TMEM178B: variants seen among roughly 807,000 people sequenced by gnomAD.
The protein encoded by TMEM178B is transmembrane protein 178B.
TMEM178B carries 5 observed loss-of-function variants against 31.0 expected under a neutral mutation model. The ratio of observed to expected loss-of-function variants is 0.16; its 90% CI spans 0.08 to 0.34. The LOEUF (loss-of-function observed/expected upper bound fraction) is 0.34, where lower values mean the gene tolerates loss of function less well. TMEM178B is among the 10% of genes least tolerant of loss of function. The pLI, the probability that TMEM178B is intolerant of heterozygous loss-of-function variation, is 1.00. For missense variants in TMEM178B, 275 were observed against 400.3 expected (o/e 0.69, Z 2.67); for synonymous variants, 164 against 164.0 (o/e 1.00, Z 0.00).
intron 2 of TMEM178B, among the ~76,000 whole-genome samples, chr7:141,336,267 G>A (rs969154347): frequency 5.9e-5 from 9 of 152,066 alleles, no homozygotes; most frequent in Admixed American, 6.6e-5. Flanking sequence ...ACTGCATTCT[G>A]GTCCTAACTC....
intron 2 of TMEM178B, among the ~76,000 whole-genome samples, chr7:141,377,373 G>T (rs1308447525): frequency 6.6e-6 from 1 of 151,778 alleles, no homozygotes; most frequent in Non-Finnish European, 1.5e-5. Context: ...TAGCAGGGAC[G>T]GGGTTTCACC....
chr7:141,086,264 T>G (rs910418568), intron 1 of TMEM178B, among the ~76,000 whole-genome samples: 2 of 152,188 alleles, frequency 1.3e-5, no homozygotes, highest in Non-Finnish European at 2.9e-5. Context: ...ACTCTTGACC[T>G]CAAGTGATCC....
chr7:141,366,767 C>T (rs1800012010), intron 2 of TMEM178B, among the ~76,000 whole-genome samples: 1 of 152,144 alleles, frequency 6.6e-6, no homozygotes, highest in South Asian at 2.1e-4. Flanking sequence ...TCCCTCCCCT[C>T]TCCCACTCAC....
chr7:141,208,048 C>T (rs902270766), intron 1 of TMEM178B, among the ~76,000 whole-genome samples: 1 of 152,058 alleles, frequency 6.6e-6, no homozygotes, highest in African/African-American at 2.4e-5. Context: ...AAAAAATTAA[C>T]TGGACATGGT....
intron 2 of TMEM178B, among the ~76,000 whole-genome samples, chr7:141,353,933 A>G (rs565569678): frequency 6.6e-6 from 1 of 152,360 alleles, no homozygotes; most frequent in East Asian, 1.9e-4. Context: ...GCCCCTTAAT[A>G]GCCATTTGAC....
chr7:141,098,586 C>T (rs1453363962), intron 1 of TMEM178B, among the ~76,000 whole-genome samples: 1 of 152,206 alleles, frequency 6.6e-6, no homozygotes, highest in East Asian at 1.9e-4. Context: ...CTTAAGCTTT[C>T]TATGCCTCAG....
In TMEM178B at chr7:141,344,624, CTTCCTCCCTTCCTTCT is replaced by C. The variant is rs1280883412; in HGVS notation, c.497-92982_497-92967del. On this transcript the variant is annotated intron_variant, in intron 2 of 3. Transcript: ENST00000565468. The surrounding 1 kb of genome is among the most constrained non-coding windows in gnomAD (Gnocchi z 4.1). ...CCTTCCTTCCTTCCTTCCTTCCTTC[CTTCCTCCCTTCCTTCT>C]TCCCTTCATCAAAAGACCTCTCAGA... Among the ~76,000 whole-genome samples the C allele has an allele frequency of 4.3e-4, 64 of 147,400 alleles. No individual in the cohort carries two copies. The highest frequency in any genetic ancestry group is 1.6e-3 in the African/African-American group (60 of 38,348).
chr7:141,125,310 G>C (rs968771413), intron 1 of TMEM178B, among the ~76,000 whole-genome samples: 1 of 152,038 alleles, frequency 6.6e-6, no homozygotes, highest in Admixed American at 6.6e-5. Context: ...TATAAAATCT[G>C]GCCAGCAACA....
At chr7:141,424,218 C>G (rs1252008653) in intron 2 of TMEM178B, among the ~76,000 whole-genome samples, 1 of 152,058 alleles carries the variant, frequency 6.6e-6, no homozygotes, top group Non-Finnish European at 1.5e-5. Flanking sequence ...ACTCAGGGAA[C>G]CAGGCACACG....
rs1038352045 is a variant in TMEM178B at position 141,474,731 on chromosome 7, C to T, written c.*3945C>T. The T allele has an allele frequency of 1.3e-5, 2 of 152,196 alleles. No individual in the cohort carries two copies. The highest frequency in any genetic ancestry group is 2.4e-5 in the African/African-American group (1 of 41,444). The allele number at this position is 152,196 out of a possible 1,614,324, so 9.4% of individuals were successfully genotyped here. A position where few individuals can be genotyped will look rare whatever the true frequency, so the allele number is the denominator to read the frequency against. On this transcript the variant is annotated 3_prime_UTR_variant, in exon 4 of 4. Coordinates refer to ENST00000565468, the MANE Select transcript of TMEM178B (RefSeq NM_001195278.2). ...CCCTATATCTCAATATTCATCCACA[C>T]TCATGATAAGATGCCGGAAATGAAT...
At chr7:141,236,495 A>T (rs1563127088) in intron 2 of TMEM178B, among the ~76,000 whole-genome samples, 1 of 152,216 alleles carries the variant, frequency 6.6e-6, no homozygotes, top group Non-Finnish European at 1.5e-5. Flanking sequence ...GTGCAATGTC[A>T]CAAGAAGATA....
intron 2 of TMEM178B, among the ~76,000 whole-genome samples, chr7:141,398,771 C>T (rs1257106241): frequency 6.6e-6 from 1 of 152,128 alleles, no homozygotes; most frequent in Non-Finnish European, 1.5e-5. Context: ...GTAGCTCTTG[C>T]CCAACCGTCT....
At chr7:141,448,867 T>G (rs1046159883) in intron 3 of TMEM178B, among the ~76,000 whole-genome samples, 6 of 152,100 alleles carry the variant, frequency 3.9e-5, no homozygotes, top group African/African-American at 9.7e-5. Flanking sequence ...TAAACTGTGC[T>G]GAGTTGGGGT....
intron 2 of TMEM178B, among the ~76,000 whole-genome samples, chr7:141,432,798 A>C (rs1801460308): frequency 6.6e-6 from 1 of 152,124 alleles, no homozygotes; most frequent in South Asian, 2.1e-4. Context: ...GAAGATGGTT[A>C]CTTGTCTGCT....
intron 2 of TMEM178B, among the ~76,000 whole-genome samples, chr7:141,302,718 A>G (rs2116444069): frequency 6.6e-6 from 1 of 152,218 alleles, no homozygotes; most frequent in South Asian, 2.1e-4. Flanking sequence ...TGCCAACAAA[A>G]CTTATCTACT....
intron 1 of TMEM178B, among the ~76,000 whole-genome samples, chr7:141,208,353 G>A (rs1283522329): frequency 6.6e-6 from 1 of 152,174 alleles, no homozygotes; most frequent in Non-Finnish European, 1.5e-5. Flanking sequence ...AGAAGGGTTT[G>A]TCCTTCCTTC....
intron 2 of TMEM178B, among the ~76,000 whole-genome samples, chr7:141,382,814 A>G (rs955168900): frequency 2.0e-5 from 3 of 152,238 alleles, no homozygotes; most frequent in Non-Finnish European, 2.9e-5. Context: ...AAACCTCACA[A>G]TGCACACAAC....
chr7:141,203,632 C>T (rs980723209), intron 1 of TMEM178B, among the ~76,000 whole-genome samples: 6 of 152,224 alleles, frequency 3.9e-5, no homozygotes, highest in Non-Finnish European at 7.3e-5. Flanking sequence ...GAAACTGCTG[C>T]ACTCACACTG....
At chr7:141,443,395 A>C (rs774115838) in intron 3 of TMEM178B, among the ~76,000 whole-genome samples, 1 of 152,156 alleles carries the variant, frequency 6.6e-6, no homozygotes, top group African/African-American at 2.4e-5. Flanking sequence ...TCGAGTCTGC[A>C]TAGGCTCCTC....
Sources: gnomAD v4.1 joint callset for allele counts (sites outside exome capture counted in the v4.1 genomes callset) on GRCh38, gnomAD v4.1.1 for gene constraint, Gnocchi (gnomAD v3.1) non-coding constraint, MANE v1.5 for transcripts, NCBI Gene and HGNC (gene_info 2026-07-23, HGNC 2026-07-21) for gene names.